The following ERP27 variants were observed in gnomAD, a reference collection of about 807,000 sequenced individuals.
The protein encoded by ERP27 is endoplasmic reticulum resident protein 27.
A neutral mutation model predicts 27.7 loss-of-function variants in ERP27; 23 were observed. The observed-to-expected ratio is 0.83, with a 90% CI of 0.60 to 1.18. The LOEUF is 1.18. Ranked by LOEUF, ERP27 falls within the 50% of genes most tolerant of loss-of-function variation. The pLI is 0.00. For missense variants in ERP27, 363 were observed against 327.9 expected (o/e 1.11, Z -0.83); for synonymous variants, 159 against 118.3 (o/e 1.34, Z -2.23).
At chr12:14,938,340 A>G in intron 1 of ERP27, 75 bp downstream of exon 1, 1 of 1,456,148 alleles carries the variant, frequency 6.9e-7, no homozygotes, top group Non-Finnish European at 9.6e-7. Context: ...AAGTACCCAG[A>G]GAACCACCAT....
chr12:14,929,017 A>G, intron 3 of ERP27: 1 of 1,535,204 alleles, frequency 6.5e-7, no homozygotes, highest in South Asian at 1.2e-5. Flanking sequence ...CATCATCATT[A>G]TCATCATAAT....
chr12:14,929,155 T>C, intron 3 of ERP27: 1 of 1,410,540 alleles, frequency 7.1e-7, no homozygotes, highest in Non-Finnish European at 9.2e-7. Context: ...CTCCCTGTAC[T>C]CTTTTCCGGG....
chr12:14,932,540 A>C (rs760145924), intron 3 of ERP27, among the ~76,000 whole-genome samples: 61 of 152,224 alleles, frequency 4.0e-4, no homozygotes, highest in Non-Finnish European at 6.6e-4. Flanking sequence ...CTAGAGAAGC[A>C]GGCAGTGGGG....
intron 3 of ERP27, among the ~76,000 whole-genome samples, chr12:14,922,259 A>G (rs1427144334): frequency 6.6e-6 from 1 of 152,206 alleles, no homozygotes; most frequent in Non-Finnish European, 1.5e-5. Flanking sequence ...AGTACTGTGT[A>G]TGACAGGTCC....
At chr12:14,915,156 C>A (rs1592271478) in intron 6 of ERP27, among the ~76,000 whole-genome samples, 1 of 152,078 alleles carries the variant, frequency 6.6e-6, no homozygotes, top group South Asian at 2.1e-4. Flanking sequence ...TTATGGGGTA[C>A]AGAGTGATAT....
Position 14,938,056 on chromosome 12 carries a change from G to C in ERP27, c.95-4C>G, listed in dbSNP as rs1313900657. On this transcript the variant is annotated splice_polypyrimidine_tract_variant and splice_region_variant and intron_variant, in intron 1 of 6. Coordinates refer to ENST00000266397, the MANE Select transcript of ERP27 (RefSeq NM_152321.4). ...TCCTGGGCAGCACCAGGACCATCTA[G>C]AGAGAGAAGCAGAAGATGTCAGGGT... The C allele has an allele frequency of 1.2e-6, 2 of 1,612,422 alleles. No homozygotes were observed. Among genetic ancestry groups the C allele is most frequent in the Non-Finnish European group, 1.7e-6 (2 of 1,178,614 alleles).
At position 14,921,011 on chromosome 12, in the gene ERP27, A is replaced by G. The variant is rs571098405; in HGVS notation, c.371T>C (p.Ile124Thr). Residue 124 changes from isoleucine to threonine, a missense_variant, in exon 4 of 7, where the codon ATT becomes ACT. Transcript: ENST00000266397. ...NEQLNLEDED[I>T]ESIDATKLSR... ...CAATTTGGTGGCATCAATGCTTTCA[A>G]TGTCTTCGTCCTCTAAATTCAGTTG... The G allele has an allele frequency of 6.2e-6, 10 of 1,614,114 alleles. No individual in the cohort carries two copies. In the African/African-American group the frequency reaches 1.1e-4, roughly 17 times the overall value.
Position 14,915,687 on chromosome 12 carries a change from C to T in ERP27, c.577-1G>A, listed in dbSNP as rs181509932. 63 of 1,611,222 alleles carry T rather than the reference C, an allele frequency of 3.9e-5. No individual in the cohort carries two copies. In the Admixed American group the frequency reaches 9.2e-4, roughly 23 times the overall value. The stretch of plus-strand genomic sequence containing the variant: ...CACTGTCCACCAGAATAAAGAGAAT[C>T]TGCAGTTGGGGAAGTTTGAAAGAAA... On this transcript the variant is annotated splice_acceptor_variant, in intron 5 of 6. Transcript: ENST00000266397. LOFTEE classifies it high-confidence loss of function.
chr12:14,932,066 A>G (rs911812877), intron 3 of ERP27, among the ~76,000 whole-genome samples: 1 of 152,196 alleles, frequency 6.6e-6, no homozygotes, highest in African/African-American at 2.4e-5. Context: ...AACTTCAGAC[A>G]TGCTTTTGGA....
Position 14,934,837 on chromosome 12 carries a change from A to G in ERP27, c.333+19T>C, listed in dbSNP as rs769677030. ...CAGTGAAAATCTGGGAGAAAGCTCA[A>G]GCTACCCACCCAACTTACCAGGCGA... On this transcript the variant is annotated intron_variant, in intron 3 of 6. Coordinates refer to ENST00000266397, the MANE Select transcript of ERP27 (RefSeq NM_152321.4). 1.2e-6 allele frequency: 2 copies of G among 1,613,606 alleles called. No individual in the cohort carries two copies. The highest frequency in any genetic ancestry group is 1.3e-5 in the African/African-American group (1 of 75,036).
rs548731194 is a variant in ERP27 at position 14,927,279 on chromosome 12, A to C, written c.334-6231T>G. Among the ~76,000 whole-genome samples, 4 of 151,832 alleles carry C rather than the reference A, an allele frequency of 2.6e-5. No individual in the cohort carries two copies. In the South Asian group the frequency reaches 8.3e-4, roughly 32 times the overall value. On this transcript the variant is annotated intron_variant, in intron 3 of 6. Coordinates refer to ENST00000266397, the MANE Select transcript of ERP27 (RefSeq NM_152321.4). ...TTATGCATATTCCACATGTATATAT[A>C]TTTGCATATGTGTAGGCGTATGTGT...
At position 14,938,140 on chromosome 12, in the gene ERP27, A is replaced by G. The variant is rs1391340761; in HGVS notation, c.95-88T>C. On this transcript the variant is annotated intron_variant, in intron 1 of 6. Transcript: ENST00000266397. ...GGGCATCTATACCTTTTATCTCTAT[A>G]CTAAGGGCAAGAAGAGCACAATTTA... is the stretch of plus-strand genomic sequence containing the variant. The G allele has an allele frequency of 5.4e-6, 6 of 1,102,996 alleles. No homozygotes were observed. In the Admixed American group the frequency reaches 5.8e-5, roughly 11 times the overall value. The allele number at this position is 1,102,996 out of a possible 1,614,324, so 68.3% of individuals were successfully genotyped here. A position where few individuals can be genotyped will look rare whatever the true frequency, so the allele number is the denominator to read the frequency against.
At chr12:14,931,985 T>C (rs1305447651) in intron 3 of ERP27, among the ~76,000 whole-genome samples, 1 of 152,180 alleles carries the variant, frequency 6.6e-6, no homozygotes, top group Non-Finnish European at 1.5e-5. Flanking sequence ...TAATCTTATT[T>C]CACACTGGTG....
At chr12:14,923,838 A>G (rs1863553482) in intron 3 of ERP27, among the ~76,000 whole-genome samples, 1 of 152,186 alleles carries the variant, frequency 6.6e-6, no homozygotes, top group Non-Finnish European at 1.5e-5. Flanking sequence ...TGCTTCAAAT[A>G]TTCTTTGTGA....
At chr12:14,935,023 G>C (rs1264283523) in intron 2 of ERP27, 30 bp from the exon 3 acceptor site, 1 of 1,607,250 alleles carries the variant, frequency 6.2e-7, no homozygotes, top group East Asian at 2.2e-5. Flanking sequence ...TAATACCACA[G>C]TGGTTATTTC....
At chr12:14,937,647 G>C (rs1385088118) in intron 2 of ERP27, among the ~76,000 whole-genome samples, 1 of 152,302 alleles carries the variant, frequency 6.6e-6, no homozygotes, top group Admixed American at 6.5e-5. Flanking sequence ...TTAGGACAAT[G>C]GTGGGGTTCC....
chr12:14,918,454 C>G (rs1184928083), intron 4 of ERP27, among the ~76,000 whole-genome samples: 1 of 152,198 alleles, frequency 6.6e-6, no homozygotes, highest in Non-Finnish European at 1.5e-5. Flanking sequence ...GAACAGCCAC[C>G]AGTCAGACAG....
At chr12:14,929,036 G>T (rs1233491904) in intron 3 of ERP27, 2 of 1,534,586 alleles carry the variant, frequency 1.3e-6, no homozygotes, top group Non-Finnish European at 1.7e-6. Context: ...ATCAGGACTC[G>T]TTTAACATTT....
intron 3 of ERP27, among the ~76,000 whole-genome samples, chr12:14,925,300 G>T (rs181382978): frequency 1.0e-3 from 159 of 152,202 alleles, no homozygotes; most frequent in African/African-American, 3.8e-3. Context: ...GCTAACTTTG[G>T]GTAAGTGATG....
Sources: gnomAD v4.1 joint callset for allele counts (sites outside exome capture counted in the v4.1 genomes callset) on GRCh38, gnomAD v4.1.1 for gene constraint, MANE v1.5 for transcripts, NCBI Gene and HGNC (gene_info 2026-07-23, HGNC 2026-07-21) for gene names.